Variants in ZNF438 observed in about 807,000 individuals in gnomAD.
The protein encoded by ZNF438 is zinc finger protein 438.
A neutral mutation model predicts 38.0 loss-of-function variants in ZNF438; 25 were observed. The ratio of observed to expected loss-of-function variants is 0.66; its 90% CI spans 0.48 to 0.92. The LOEUF is 0.92. Ranked by LOEUF, ZNF438 falls within the 40% of genes least tolerant of loss-of-function variation. ZNF438 has a pLI of 0.00. For missense variants in ZNF438, 1,007 were observed against 999.6 expected, an observed-to-expected ratio of 1.01 and a Z score of -0.10; for synonymous variants, 372 against 364.1, an observed-to-expected ratio of 1.02 and a Z score of -0.25.
chr10:31,011,236 A>C (rs1008920177), intron 1 of ZNF438, among the ~76,000 whole-genome samples: 2 of 152,190 alleles, frequency 1.3e-5, no homozygotes, highest in Non-Finnish European at 2.9e-5. Context: ...GGGCTTTTCC[A>C]CACTGTGAGC....
chr10:30,986,587 G>A (rs138321763), intron 1 of ZNF438, among the ~76,000 whole-genome samples: 1 of 152,258 alleles, frequency 6.6e-6, no homozygotes, highest in East Asian at 1.9e-4. Flanking sequence ...AATTTTATAG[G>A]TTCAGTATCC....
chr10:30,950,251 G>T (rs987801050), intron 1 of ZNF438, among the ~76,000 whole-genome samples: 1 of 152,042 alleles, frequency 6.6e-6, no homozygotes, highest in African/African-American at 2.4e-5. Flanking sequence ...TCAAAGCAGC[G>T]TGTAAAGGGA....
chr10:30,977,983 GA>G (rs775131546), intron 1 of ZNF438, among the ~76,000 whole-genome samples: 247 of 133,746 alleles, frequency 1.8e-3, no homozygotes, highest in Non-Finnish European at 1.9e-3. Context: ...CTCCGTCTCC[GA>G]AAAAAAAAAA....
rs140403617 is a variant in ZNF438 at position 30,974,420 on chromosome 10, C to T, written c.-191-32769G>A. Among the ~76,000 whole-genome samples, 412 of 152,282 alleles carry T rather than the reference C, an allele frequency of 2.7e-3. 2 individuals are homozygous for T. The highest frequency in any genetic ancestry group is 8.0e-3 in the Admixed American group (123 of 15,288). On this transcript the variant is annotated intron_variant, in intron 1 of 5. Transcript: ENST00000413025. ...CCTGGGAGTTCAAGGCTGCAGTAAG[C>T]TATCATCAAGCTATTGCACTCTAGC... is the stretch of plus-strand genomic sequence containing the variant.
intron 1 of ZNF438, among the ~76,000 whole-genome samples, chr10:30,983,060 C>G (rs967432278): frequency 1.3e-5 from 2 of 152,096 alleles, no homozygotes; most frequent in African/African-American, 4.8e-5. Context: ...GGACTTTTTT[C>G]TCTAAACAAT....
At chr10:31,013,213 G>GGAGGCT (rs1309649181) in intron 1 of ZNF438, among the ~76,000 whole-genome samples, 1 of 152,094 alleles carries the variant, frequency 6.6e-6, no homozygotes, top group Non-Finnish European at 1.5e-5. Flanking sequence ...CAGCTACTCG[G>GGAGGCT]GAGGCTGAGG....
At chr10:31,011,770 C>A (rs2055726047) in intron 1 of ZNF438, among the ~76,000 whole-genome samples, 3 of 152,194 alleles carry the variant, frequency 2.0e-5, no homozygotes, top group Admixed American at 2.0e-4. Context: ...CATGGCCAAT[C>A]AACTCTCCAA....
chr10:30,894,836 C>T (rs930053668), intron 3 of ZNF438, among the ~76,000 whole-genome samples: 4 of 152,160 alleles, frequency 2.6e-5, no homozygotes, highest in Non-Finnish European at 4.4e-5. Context: ...TTTGTGTGCA[C>T]GGCTGACAGT....
intron 3 of ZNF438, among the ~76,000 whole-genome samples, chr10:30,890,083 C>CAAAAAAAAAAAAAAAA (rs71863439): frequency 3.2e-5 from 3 of 93,382 alleles, no homozygotes; most frequent in Admixed American, 1.1e-4. Flanking sequence ...TTGGCATTTC[C>CAAAAAAAAAAAAAAAA]AAAAAAAAAA....
chr10:30,921,576 A>G (rs759092940), intron 2 of ZNF438, among the ~76,000 whole-genome samples: 2 of 152,296 alleles, frequency 1.3e-5, no homozygotes, highest in Non-Finnish European at 2.9e-5. Context: ...CCAGGCACAC[A>G]GTGTCCTTTC....
chr10:30,877,186 A>G (rs570065594), intron 3 of ZNF438, 121 bp from the exon 5 acceptor site: 5 of 474,820 alleles, frequency 1.1e-5, no homozygotes, highest in Non-Finnish European at 1.8e-5. Context: ...ATGAGTAATA[A>G]GAAATGGATT....
chr10:30,948,626 G>A lies in ZNF438; in HGVS notation c.-191-6975C>T, dbSNP rs1162907925. ...ATGCAGAAGCCTCAGGAGCCGATGC[G>A]ATCAACTGGAAGAAAGGGTATCAGC... On this transcript the variant is annotated intron_variant, in intron 1 of 5. Transcript: ENST00000413025. 2.5e-4 allele frequency among the ~76,000 whole-genome samples: 37 copies of A among 149,926 alleles called. No homozygotes were observed. The East Asian group carries it at 3.5e-3, about 14-fold the overall frequency.
intron 1 of ZNF438, among the ~76,000 whole-genome samples, chr10:31,021,098 C>T (rs1236865605): frequency 1.3e-5 from 2 of 149,354 alleles, no homozygotes; most frequent in Admixed American, 6.7e-5. Context: ...ACTCTGTCAC[C>T]CAGGCTGGAG....
At position 30,931,716 on chromosome 10, in the gene ZNF438, C is replaced by T. The variant is rs77784960; in HGVS notation, c.-115+9859G>A. Among the ~76,000 whole-genome samples, 887 of 152,302 alleles carry T rather than the reference C, an allele frequency of 5.8e-3. 9 individuals carry two copies. The highest frequency in any genetic ancestry group is 0.021 in the African/African-American group (855 of 41,562). On this transcript the variant is annotated intron_variant, in intron 2 of 5. Transcript: ENST00000413025. ...ACTAACCTACTGAACAGTTTTCTTC[C>T]AGGTACGTCAAACATTCTTGCCAAT... is the stretch of plus-strand genomic sequence containing the variant.
intron 2 of ZNF438, among the ~76,000 whole-genome samples, chr10:30,911,195 TGTAGCCACA>T (rs1801145735): frequency 6.6e-6 from 1 of 152,076 alleles, no homozygotes; most frequent in African/African-American, 2.4e-5. Context: ...CCAAATAAAA[TGTAGCCACA>T]GTACCAGCAG....
intron 2 of ZNF438, among the ~76,000 whole-genome samples, chr10:30,914,279 G>A (rs752057700): frequency 1.3e-4 from 19 of 151,988 alleles, no homozygotes; most frequent in Non-Finnish European, 2.5e-4. Flanking sequence ...GGCAACAGGG[G>A]GCAGATTAGT....
chr10:30,963,521 A>C (rs1472885607), intron 1 of ZNF438, among the ~76,000 whole-genome samples: 1 of 152,190 alleles, frequency 6.6e-6, no homozygotes, highest in Non-Finnish European at 1.5e-5. Flanking sequence ...GAACTTGGAA[A>C]TATCTCCTTA....
chr10:30,930,914 A>G (rs1225832745), intron 2 of ZNF438, among the ~76,000 whole-genome samples: 1 of 149,224 alleles, frequency 6.7e-6, no homozygotes, highest in Non-Finnish European at 1.5e-5. Context: ...AAGTCAGGAC[A>G]GTTTTGGTCT....
chr10:31,009,799 G>C (rs1017670392), intron 1 of ZNF438, among the ~76,000 whole-genome samples: 2 of 150,058 alleles, frequency 1.3e-5, no homozygotes, highest in Admixed American at 6.6e-5. Context: ...TTGTTTTTGA[G>C]TACTGCTCCA....
Sources: allele counts gnomAD v4.1 joint callset (sites outside exome capture counted in the v4.1 genomes callset), GRCh38; gene constraint gnomAD v4.1.1; transcripts MANE v1.5; gene names NCBI Gene and HGNC (gene_info 2026-07-23, HGNC 2026-07-21).